The following BCO2 variants were observed in gnomAD, a reference collection of about 807,000 sequenced individuals.
The protein encoded by BCO2 is carotenoid-cleaving dioxygenase, mitochondrial.
A neutral mutation model predicts 65.8 loss-of-function variants in BCO2; 56 were observed. That is an observed-to-expected ratio of 0.85 (90% confidence interval 0.69 to 1.06). BCO2 has a LOEUF of 1.06. Among genes scored for constraint, BCO2 ranks in the 50% least tolerant of loss-of-function variants. The pLI, the probability that BCO2 is intolerant of heterozygous loss-of-function variation, is 0.00. For missense variants in BCO2, 675 were observed against 698.5 expected (o/e 0.97, Z 0.38); for synonymous variants, 233 against 242.3 (o/e 0.96, Z 0.36).
intron 2 of BCO2, among the ~76,000 whole-genome samples, chr11:112,187,825 C>G (rs1867245991): frequency 6.6e-6 from 1 of 151,576 alleles, no homozygotes; most frequent in Non-Finnish European, 1.5e-5. Flanking sequence ...GAATTCAAAC[C>G]CTTGTTCTGT....
At chr11:112,214,272 G>A (rs1334310329) in intron 9 of BCO2, among the ~76,000 whole-genome samples, 1 of 152,006 alleles carries the variant, frequency 6.6e-6, no homozygotes, top group Non-Finnish European at 1.5e-5. Flanking sequence ...TCAGCCTCTC[G>A]AGTAGCTGGG....
At chr11:112,209,580 A>G (rs1859449246) in intron 8 of BCO2, among the ~76,000 whole-genome samples, 1 of 152,214 alleles carries the variant, frequency 6.6e-6, no homozygotes, top group South Asian at 2.1e-4. Flanking sequence ...ATTTTATTAG[A>G]TTAGGAGAGT....
intron 2 of BCO2, among the ~76,000 whole-genome samples, chr11:112,190,261 A>G (rs1867334367): frequency 6.6e-6 from 1 of 152,048 alleles, no homozygotes; most frequent in African/African-American, 2.4e-5. Flanking sequence ...TCCATCCTGG[A>G]CCACAGAACA....
intron 2 of BCO2, among the ~76,000 whole-genome samples, chr11:112,184,178 T>A (rs1412171646): frequency 6.6e-6 from 1 of 152,144 alleles, no homozygotes; most frequent in Non-Finnish European, 1.5e-5. Context: ...CTTATATTAA[T>A]GAATATGGTT....
chr11:112,216,248 C>G lies in BCO2; in HGVS notation c.1544C>G (p.Ser515Ter). ...TGGAGAGAAGATGGCTTTTATCCCT[C>G]AGAACCTGTTTTTGTTCCAGCACCA... The part of the protein sequence containing the change: ...KVWREDGFYP[S>*]EPVFVPAPGT... The change falls in exon 11 of 12, where the codon TCA becomes TGA. Residue 515 changes from serine to a stop codon, truncating the protein, a stop_gained. Coordinates refer to ENST00000357685, the MANE Select transcript of BCO2 (RefSeq NM_031938.7). LOFTEE classifies it high-confidence loss of function. 1 of 1,614,170 alleles carries G rather than the reference C, an allele frequency of 6.2e-7. No homozygotes were observed. Among genetic ancestry groups the G allele is most frequent in the Non-Finnish European group, 8.5e-7 (1 of 1,180,008 alleles).
chr11:112,180,420 C>G (rs1202359237), intron 2 of BCO2, among the ~76,000 whole-genome samples: 1 of 152,204 alleles, frequency 6.6e-6, no homozygotes, highest in East Asian at 1.9e-4. Context: ...GTGTTAAGCT[C>G]TGTTCCCCCA....
rs1592827794 is a variant in BCO2 at position 112,175,656 on chromosome 11, G to A, written c.55G>A (p.Asp19Asn). 6.2e-7 allele frequency: 1 copy of A among 1,614,082 alleles called. No homozygotes were observed. Among genetic ancestry groups the A allele is most frequent in the Non-Finnish European group, 8.5e-7 (1 of 1,179,956 alleles). Reference sequence around the variant, plus strand: ...CAGGAGTCATTCTGCCACTGCAGTGGATTTCCTTCCTGTGATGGTGCACCG... The same window carrying A: ...CAGGAGTCATTCTGCCACTGCAGTGAATTTCCTTCCTGTGATGGTGCACCG... ...FIRSHSATAV[D>N]FLPVMVHRLP... Residue 19 changes from aspartate to asparagine, a missense_variant, in exon 1 of 12, where the codon GAT becomes AAT. By Grantham distance (23) the Asp-to-Asn change is conservative (BLOSUM62 1). Coordinates refer to ENST00000357685, the MANE Select transcript of BCO2 (RefSeq NM_031938.7).
chr11:112,182,415 G>A (rs183557330), intron 2 of BCO2, among the ~76,000 whole-genome samples: 23 of 152,186 alleles, frequency 1.5e-4, no homozygotes, highest in Middle Eastern at 3.4e-3. Context: ...TGTTTATTGT[G>A]GCACTATTCA....
In BCO2 at chr11:112,191,997, C is replaced by T. The variant is rs192212262; in HGVS notation, c.294-1477C>T. On this transcript the variant is annotated intron_variant, in intron 2 of 11. Transcript: ENST00000357685. ...TAAGTAGTGTTAAGTATATTCATCT[C>T]GTCATGAAACAGATCTTTAGAACTT... Among the ~76,000 whole-genome samples the T allele has an allele frequency of 2.4e-3, 370 of 152,222 alleles. 3 individuals carry two copies. Among genetic ancestry groups the T allele is most frequent in the Non-Finnish European group, 1.0e-3 (69 of 67,996 alleles).
chr11:112,196,397 T>C (rs1867575188), intron 5 of BCO2, among the ~76,000 whole-genome samples: 1 of 152,188 alleles, frequency 6.6e-6, no homozygotes, highest in Non-Finnish European at 1.5e-5. Context: ...TACAGTAAAA[T>C]GCTTGCTAGT....
At chr11:112,191,812 C>T (rs1038290890) in intron 2 of BCO2, among the ~76,000 whole-genome samples, 1 of 152,012 alleles carries the variant, frequency 6.6e-6, no homozygotes, top group African/African-American at 2.4e-5. Context: ...CAGAAGTAAA[C>T]CCAGGAACTT....
At chr11:112,179,648 C>CA (rs1299994244) in intron 2 of BCO2, 166 bp downstream of exon 2, 2 of 664,718 alleles carry the variant, frequency 3.0e-6, no homozygotes, top group African/African-American at 1.8e-5. Context: ...ACTTTTTAAA[C>CA]AAAATGTCCT....
At chr11:112,177,046 T>C (rs1866905891) in intron 1 of BCO2, among the ~76,000 whole-genome samples, 1 of 152,226 alleles carries the variant, frequency 6.6e-6, no homozygotes, top group Non-Finnish European at 1.5e-5. Flanking sequence ...AAATATTTTC[T>C]ACAATGTAAA....
Position 112,202,340 on chromosome 11 carries a change from T to A in BCO2, c.1194+150T>A, listed in dbSNP as rs1455746906. ...CTGTGTCACCCAGGCTGGAGTGCAATGGTGCGATCTCGGCTCACTGCAACC... is the reference window on the plus strand; with the variant it reads ...CTGTGTCACCCAGGCTGGAGTGCAAAGGTGCGATCTCGGCTCACTGCAACC... On this transcript the variant is annotated intron_variant, in intron 8 of 11. Transcript: ENST00000357685. The A allele has an allele frequency of 1.3e-5, 9 of 713,346 alleles. No homozygotes were observed. The Admixed American group carries it at 1.3e-4, about 10-fold the overall frequency. 44.2% of individuals were successfully genotyped at this position (713,346 alleles called of 1,614,324 possible).
rs755303166 is a variant in BCO2, at chr11:112,175,636, G to A, written c.35G>A (p.Ser12Asn). 11 of 1,614,008 alleles carry A rather than the reference G, an allele frequency of 6.8e-6. No individual in the cohort carries two copies. The highest frequency in any genetic ancestry group is 1.7e-5 in the Admixed American group (1 of 60,002). ...CGAGTCTTTCTCCATTTTATCAGGA[G>A]TCATTCTGCCACTGCAGTGGATTTC... ...FFRVFLHFIR[S>N]HSATAVDFLP... Residue 12 changes from serine (S) to asparagine (N), a missense_variant, in exon 1 of 12, where the codon AGT becomes AAT. Ser to Asn is a conservative substitution (Grantham distance 46). Coordinates refer to ENST00000357685, the MANE Select transcript of BCO2 (RefSeq NM_031938.7).
Position 112,192,925 on chromosome 11 carries a change from G to GTTTTTTTTTTTTTTT in BCO2, c.294-545_294-531dup, listed in dbSNP as rs71060229. Among the ~76,000 whole-genome samples, 15 of 36,670 alleles carry GTTTTTTTTTTTTTTT rather than the reference G, an allele frequency of 4.1e-4. 1 individual carries two copies. The highest frequency in any genetic ancestry group is 8.4e-4 in the African/African-American group (8 of 9,538). 24.1% of individuals were successfully genotyped at this position (36,670 alleles called of 152,430 possible). A position where few individuals can be genotyped will look rare whatever the true frequency, so the allele number is the denominator to read the frequency against. On this transcript the variant is annotated intron_variant, in intron 2 of 11. Transcript: ENST00000357685. ...CAATAGGGGTTTTCTAAAATGTGAG[G>GTTTTTTTTTTTTTTT]TTTTTTTTTTTTTTTTTTGACAGGG...
intron 2 of BCO2, among the ~76,000 whole-genome samples, chr11:112,189,007 C>A (rs185021254): frequency 2.0e-5 from 3 of 152,036 alleles, no homozygotes; most frequent in Admixed American, 2.0e-4. Context: ...CCAAAGTAGA[C>A]AAACCATTAG....
chr11:112,211,755 C>T (rs1051901942), intron 8 of BCO2, among the ~76,000 whole-genome samples: 1 of 152,200 alleles, frequency 6.6e-6, no homozygotes, highest in African/African-American at 2.4e-5. Flanking sequence ...TAGGGAAAAA[C>T]TTGCCCCAGT....
At chr11:112,207,260 A>G (rs1019866717) in intron 8 of BCO2, among the ~76,000 whole-genome samples, 3 of 152,200 alleles carry the variant, frequency 2.0e-5, no homozygotes, top group Non-Finnish European at 2.9e-5. Context: ...ATGTTTAATA[A>G]TTCATTATTA....
Sources: allele counts gnomAD v4.1 joint callset (sites outside exome capture counted in the v4.1 genomes callset), GRCh38; gene constraint gnomAD v4.1.1; transcripts MANE v1.5; gene names NCBI Gene and HGNC (gene_info 2026-07-23, HGNC 2026-07-21).